The following FHIT variants were observed in gnomAD, a reference collection of about 807,000 sequenced individuals.
The protein encoded by FHIT is bis(5'-adenosyl)-triphosphatase.
Under a neutral mutation model 17.9 loss-of-function variants are expected in FHIT, and 19 were observed. That is an observed-to-expected ratio of 1.06 (90% CI 0.74 to 1.56). FHIT has a LOEUF of 1.56. Among genes scored for constraint, FHIT ranks in the 40% most tolerant of loss-of-function variants. FHIT has a pLI of 0.00. For missense variants in FHIT, 248 were observed against 189.2 expected (o/e 1.31, Z -1.82); for synonymous variants, 81 against 69.7 (o/e 1.16, Z -0.81).
intron 8 of FHIT, among the ~76,000 whole-genome samples, chr3:59,913,385 C>T (rs1575686384): frequency 1.3e-5 from 2 of 152,088 alleles, no homozygotes; most frequent in South Asian, 2.1e-4. Context: ...GAAACAGGGA[C>T]GGCTTTGTAG....
intron 8 of FHIT, among the ~76,000 whole-genome samples, chr3:59,838,992 T>C (rs570559515): frequency 6.6e-6 from 1 of 152,018 alleles, no homozygotes; most frequent in African/African-American, 2.4e-5. Context: ...AAAAAAGAGA[T>C]CTATTCCACA....
At chr3:60,586,099 CA>C (rs2037897171) in intron 4 of FHIT, among the ~76,000 whole-genome samples, 1 of 151,824 alleles carries the variant, frequency 6.6e-6, no homozygotes, top group Non-Finnish European at 1.5e-5. Flanking sequence ...ATATAGGCAC[CA>C]AAAGTGGAAC....
chr3:60,998,478 T>C (rs990732959), intron 3 of FHIT, among the ~76,000 whole-genome samples: 1 of 152,180 alleles, frequency 6.6e-6, no homozygotes, highest in African/African-American at 2.4e-5. Flanking sequence ...GTAACTTCTA[T>C]GAGAAACAAA....
intron 5 of FHIT, among the ~76,000 whole-genome samples, chr3:60,484,592 G>C (rs1390029436): frequency 6.6e-6 from 1 of 152,136 alleles, no homozygotes; most frequent in Non-Finnish European, 1.5e-5. Flanking sequence ...TTCAATAAAT[G>C]GTTCTGGGAA....
At chr3:60,094,780 G>A (rs6777011) in intron 5 of FHIT, among the ~76,000 whole-genome samples, 2 of 151,024 alleles carry the variant, frequency 1.3e-5, no homozygotes, top group Non-Finnish European at 2.9e-5. Flanking sequence ...GGGAGGGAAG[G>A]GAAGGGAACA....
intron 5 of FHIT, among the ~76,000 whole-genome samples, chr3:60,056,476 C>T (rs1370568440): frequency 6.6e-6 from 1 of 152,216 alleles, no homozygotes; most frequent in Non-Finnish European, 1.5e-5. Flanking sequence ...TTCTGCACTC[C>T]TTATTGTGTT....
chr3:59,882,436 C>T (rs918690803), intron 8 of FHIT, among the ~76,000 whole-genome samples: 1 of 152,130 alleles, frequency 6.6e-6, no homozygotes, highest in African/African-American at 2.4e-5. Flanking sequence ...CTTGTTTTCA[C>T]TAACAAGCAG....
chr3:60,799,534 C>A (rs1378785473), intron 4 of FHIT, among the ~76,000 whole-genome samples: 1 of 152,156 alleles, frequency 6.6e-6, no homozygotes, highest in Non-Finnish European at 1.5e-5. Flanking sequence ...TATCTTCCAA[C>A]TTTATCTTGT....
intron 7 of FHIT, among the ~76,000 whole-genome samples, chr3:59,986,047 C>T (rs746824954): frequency 1.3e-5 from 2 of 152,070 alleles, no homozygotes; most frequent in East Asian, 1.9e-4. Flanking sequence ...ACTTCCTTTG[C>T]GGTCTGCACA....
chr3:60,369,215 T>C (rs1270422534), intron 5 of FHIT, among the ~76,000 whole-genome samples: 1 of 152,066 alleles, frequency 6.6e-6, no homozygotes, highest in African/African-American at 2.4e-5. Flanking sequence ...CAAACAATCC[T>C]CCCACCTCAG....
Position 60,443,363 on chromosome 3 carries a change from G to A in FHIT, c.103+93497C>T, listed in dbSNP as rs550350666. 5.3e-3 allele frequency among the ~76,000 whole-genome samples: 814 copies of A among 152,224 alleles called. 9 individuals are homozygous for A. The highest frequency in any genetic ancestry group is 0.019 in the African/African-American group (783 of 41,534). ...TCTGTCTTGTGCCAGTTTTCAAAGG[G>A]AATGCTTCCAGTTTTTGCCCATTCA... is the stretch of plus-strand genomic sequence containing the variant. On this transcript the variant is annotated intron_variant, in intron 5 of 9. Transcript: ENST00000492590.
At chr3:60,328,477 C>G (rs1709808921) in intron 5 of FHIT, among the ~76,000 whole-genome samples, 1 of 152,146 alleles carries the variant, frequency 6.6e-6, no homozygotes, top group Admixed American at 6.5e-5. Context: ...TGCTCGGGAA[C>G]TGCCCTTTAT....
At chr3:60,290,370 T>C (rs1559793302) in intron 5 of FHIT, among the ~76,000 whole-genome samples, 1 of 152,080 alleles carries the variant, frequency 6.6e-6, no homozygotes, top group Non-Finnish European at 1.5e-5. Flanking sequence ...ATGTGATTTG[T>C]TTATAAATGA....
chr3:60,160,523 G>A (rs1700893720), intron 5 of FHIT, among the ~76,000 whole-genome samples: 1 of 152,142 alleles, frequency 6.6e-6, no homozygotes, highest in Non-Finnish European at 1.5e-5. Flanking sequence ...ATCTTCTTCT[G>A]AGGTCAAGCC....
chr3:60,383,201 A>G (rs1700877947), intron 5 of FHIT, among the ~76,000 whole-genome samples: 2 of 152,204 alleles, frequency 1.3e-5, no homozygotes, highest in South Asian at 2.1e-4. Context: ...GTGACTTCCT[A>G]AAGCTGTAAT....
rs34427728 is a variant in FHIT, at chr3:60,701,123, C to CCT, written c.-18+120795_-18+120796insAG. ...ATTTCCCAACTGAACTGAAAAGACC[C>CCT]TTTTTTTTTTTTTTTTTTAAGACAG... On this transcript the variant is annotated intron_variant, in intron 4 of 9. Transcript: ENST00000492590. Among the ~76,000 whole-genome samples, 32 of 132,656 alleles carry CCT rather than the reference C, an allele frequency of 2.4e-4. No homozygotes were observed. The Admixed American group carries it at 2.5e-3, about 10-fold the overall frequency. The allele number at this position is 132,656 out of a possible 152,430, so 87.0% of individuals were successfully genotyped here. A position where few individuals can be genotyped will look rare whatever the true frequency, so the allele number is the denominator to read the frequency against.
intron 5 of FHIT, among the ~76,000 whole-genome samples, chr3:60,453,960 C>T (rs1428900241): frequency 6.6e-6 from 1 of 151,796 alleles, no homozygotes; most frequent in Non-Finnish European, 1.5e-5. Flanking sequence ...TCTTCAATCT[C>T]TATGAGAAAA....
chr3:60,846,613 T>G (rs528224650), intron 3 of FHIT, among the ~76,000 whole-genome samples: 1 of 152,260 alleles, frequency 6.6e-6, no homozygotes, highest in African/African-American at 2.4e-5. Context: ...CAAAGAAAAG[T>G]CCACCTACAG....
At chr3:60,082,603 G>A (rs774858800) in intron 5 of FHIT, among the ~76,000 whole-genome samples, 6 of 152,122 alleles carry the variant, frequency 3.9e-5, no homozygotes, top group Non-Finnish European at 7.4e-5. Flanking sequence ...CAGTGTATAA[G>A]CATCCCCCTT....
Sources: allele counts gnomAD v4.1 joint callset (sites outside exome capture counted in the v4.1 genomes callset), GRCh38; gene constraint gnomAD v4.1.1; transcripts MANE v1.5; gene names NCBI Gene and HGNC (gene_info 2026-07-23, HGNC 2026-07-21).